ARHGAP11B: variants seen among roughly 807,000 people sequenced by gnomAD.
ARHGAP11B encodes inactive Rho GTPase-activating protein 11B.
A neutral mutation model predicts 27.6 loss-of-function variants in ARHGAP11B; 14 were observed. That is an observed-to-expected ratio of 0.51 (90% CI 0.34 to 0.79). The LOEUF is 0.79. Among genes scored for constraint, ARHGAP11B ranks in the 30% least tolerant of loss-of-function variants. ARHGAP11B has a pLI of 0.02. For synonymous variants in ARHGAP11B, 82 were observed against 114.1 expected, an observed-to-expected ratio of 0.72 and a Z score of 1.80; for missense variants, 245 against 320.1, an observed-to-expected ratio of 0.77 and a Z score of 1.79.
In ARHGAP11B at chr15:30,630,486, T is replaced by G. The variant is rs371290211; in HGVS notation, c.130-217T>G. On this transcript the variant is annotated intron_variant, in intron 1 of 10. Transcript: ENST00000428041. ...ATTATTTGAGGGGAATGACATTATC[T>G]TGGCCATCTTTGTACTCCCAGCACT... Among the ~76,000 whole-genome samples, 7 of 152,020 alleles carry G rather than the reference T, an allele frequency of 4.6e-5. No individual in the cohort carries two copies. In the East Asian group the frequency reaches 7.7e-4, roughly 17 times the overall value.
At chr15:30,644,717 G>A in intron 8 of ARHGAP11B, 1 of 1,525,596 alleles carries the variant, frequency 6.6e-7, no homozygotes, top group East Asian at 2.3e-5. Context: ...GATCATAAAG[G>A]ACTTATCGAA....
At chr15:30,640,055 A>C (rs2060306448) in intron 7 of ARHGAP11B, among the ~76,000 whole-genome samples, 1 of 144,680 alleles carries the variant, frequency 6.9e-6, no homozygotes. Context: ...CCAGAGTAGT[A>C]GTTTGGGCTT....
In ARHGAP11B at chr15:30,630,673, G is replaced by A. The variant is rs530898515; in HGVS notation, c.130-30G>A. 410 of 1,559,754 alleles carry A rather than the reference G, an allele frequency of 2.6e-4. 10 individuals are homozygous for A. The East Asian group carries it at 8.9e-3, about 34-fold the overall frequency. ...AAAACTGATATTATGCCTAATATTT[G>A]TGTTAGAGTAACTGAATTTGTCATT... On this transcript the variant is annotated intron_variant, in intron 1 of 10. Coordinates refer to ENST00000428041, the Ensembl canonical transcript of ARHGAP11B.
intron 1 of ARHGAP11B, among the ~76,000 whole-genome samples, chr15:30,628,902 A>G (rs1567509771): frequency 6.6e-6 from 1 of 152,068 alleles, no homozygotes; most frequent in Non-Finnish European, 1.5e-5. Flanking sequence ...AAACACGCTG[A>G]ATTCTAGTTA....
Position 30,641,293 on chromosome 15 carries a change from A to T in ARHGAP11B, c.*78+2473A>T, listed in dbSNP as rs2338517. 4.0e-5 allele frequency among the ~76,000 whole-genome samples: 6 copies of T among 151,736 alleles called. No homozygotes were observed. In the East Asian group the frequency reaches 1.2e-3, roughly 29 times the overall value. The stretch of plus-strand genomic sequence containing the variant: ...ATGATGCTTTTAAAAATATATAAAG[A>T]CAACATTAGTCTGTAGTCCATAGAG... On this transcript the variant is annotated intron_variant, in intron 7 of 10. Transcript: ENST00000428041.
intron 7 of ARHGAP11B, among the ~76,000 whole-genome samples, chr15:30,640,029 T>G (rs555549842): frequency 6.9e-6 from 1 of 145,816 alleles, no homozygotes; most frequent in East Asian, 2.0e-4. Flanking sequence ...CAACATCTAT[T>G]GAAAGTTGTG....
chr15:30,626,925 T>C (rs776197616), exon 1 of ARHGAP11B: 32 of 1,613,106 alleles, frequency 2.0e-5, no homozygotes, highest in Non-Finnish European at 2.4e-5. Context: ...GCAGGAGACA[T>C]GAAACAGCAG....
intron 1 of ARHGAP11B, among the ~76,000 whole-genome samples, chr15:30,627,636 G>T (rs1351182082): frequency 6.6e-6 from 1 of 151,984 alleles, no homozygotes; most frequent in Non-Finnish European, 1.5e-5. Context: ...TGTTTTGGTG[G>T]TTGAAATAAA....
At chr15:30,628,008 T>C (rs1296598033) in intron 1 of ARHGAP11B, among the ~76,000 whole-genome samples, 2 of 151,914 alleles carry the variant, frequency 1.3e-5, no homozygotes, top group Admixed American at 6.6e-5. Context: ...AGATCTCAAA[T>C]GTAGCTGATT....
intron 6 of ARHGAP11B, among the ~76,000 whole-genome samples, 183 bp from the exon 7 acceptor site, chr15:30,638,563 G>A (rs1297791330): frequency 2.0e-5 from 3 of 151,722 alleles, no homozygotes; most frequent in Admixed American, 6.6e-5. Flanking sequence ...GTATAAGTGG[G>A]GAATGGAATA....
chr15:30,646,006 G>A, intron 8 of ARHGAP11B: 2 of 189,568 alleles, frequency 1.1e-5, no homozygotes, highest in Non-Finnish European at 2.0e-5. Flanking sequence ...ACAGTGTAAT[G>A]TTTTCTTTAT....
At chr15:30,626,857 C>G (rs377012511) in exon 1 of ARHGAP11B, 2 of 1,613,668 alleles carry the variant, frequency 1.2e-6, no homozygotes, top group East Asian at 2.2e-5. Flanking sequence ...GGCCCTGTTG[C>G]AGCATCTGCG....
At chr15:30,637,491 C>T (rs568575058) in intron 6 of ARHGAP11B, among the ~76,000 whole-genome samples, 761 of 149,954 alleles carry the variant, frequency 5.1e-3, no homozygotes, top group South Asian at 8.0e-3. Flanking sequence ...TTCCAGCACT[C>T]TGGGAGACCA....
At chr15:30,631,222 A>G (rs1010681427) in intron 2 of ARHGAP11B, among the ~76,000 whole-genome samples, 10 of 151,750 alleles carry the variant, frequency 6.6e-5, no homozygotes, top group Non-Finnish European at 2.9e-5. Context: ...TTTAAAGTCC[A>G]GTAATGAGTA....
chr15:30,632,525 T>A (rs2060252460), intron 2 of ARHGAP11B, among the ~76,000 whole-genome samples: 1 of 151,888 alleles, frequency 6.6e-6, no homozygotes, highest in South Asian at 2.1e-4. Flanking sequence ...CTACTTTTTA[T>A]TTAATTAAAA....
intron 9 of ARHGAP11B, among the ~76,000 whole-genome samples, chr15:30,647,260 G>T (rs2128873): frequency 6.6e-6 from 1 of 151,558 alleles, no homozygotes; most frequent in Non-Finnish European, 1.5e-5. Flanking sequence ...GTTTAGCATC[G>T]ATTGGCAGAG....
chr15:30,629,063 A>G (rs1335510634), intron 1 of ARHGAP11B, among the ~76,000 whole-genome samples: 1 of 152,100 alleles, frequency 6.6e-6, no homozygotes, highest in Admixed American at 6.6e-5. Flanking sequence ...AATGATGATC[A>G]TAAGATTAAC....
chr15:30,647,383 G>A (rs939234351), intron 9 of ARHGAP11B, among the ~76,000 whole-genome samples: 23 of 151,876 alleles, frequency 1.5e-4, no homozygotes, highest in African/African-American at 4.6e-4. Context: ...TCCCAGGATA[G>A]TATTAAGGTT....
At chr15:30,645,997 C>T (rs1333281285) in intron 8 of ARHGAP11B, 3 of 173,552 alleles carry the variant, frequency 1.7e-5, no homozygotes, top group Non-Finnish European at 3.5e-5. Flanking sequence ...TTGATTTTGA[C>T]AGTGTAATGT....
Sources: allele counts gnomAD v4.1 joint callset (sites outside exome capture counted in the v4.1 genomes callset), GRCh38; gene constraint gnomAD v4.1.1; transcripts MANE v1.5; gene names NCBI Gene and HGNC (gene_info 2026-07-23, HGNC 2026-07-21).